The following UPP2 variants were observed in gnomAD, a reference collection of about 807,000 sequenced individuals.
UPP2 encodes UPase 2.
UPP2 carries 23 observed loss-of-function variants against 26.7 expected under a neutral mutation model. That is an observed-to-expected ratio of 0.86 (90% confidence interval 0.62 to 1.22). The LOEUF (loss-of-function observed/expected upper bound fraction) is 1.22, where lower values mean the gene tolerates loss of function less well. Among genes scored for constraint, UPP2 ranks in the 50% most tolerant of loss-of-function variants. The pLI is 0.00. For synonymous variants in UPP2, 127 were observed against 141.3 expected (o/e 0.90, Z 0.72); for missense variants, 387 against 396.7 (o/e 0.98, Z 0.21).
At chr2:158,086,081 G>A (rs1449157732) in intron 3 of UPP2, among the ~76,000 whole-genome samples, 1 of 151,956 alleles carries the variant, frequency 6.6e-6, no homozygotes, top group African/African-American at 2.4e-5. Flanking sequence ...GGATTGGCAC[G>A]AATTCTTCTT....
At chr2:158,081,111 G>T (rs1682716983) in intron 3 of UPP2, among the ~76,000 whole-genome samples, 1 of 152,096 alleles carries the variant, frequency 6.6e-6, no homozygotes, top group Non-Finnish European at 1.5e-5. Flanking sequence ...ATAAAGAATG[G>T]ATACAGTCTC....
intron 3 of UPP2, among the ~76,000 whole-genome samples, chr2:158,096,668 T>C (rs1406519806): frequency 1.3e-5 from 2 of 152,192 alleles, no homozygotes; most frequent in African/African-American, 4.8e-5. Context: ...TAAATTGCTG[T>C]AATGTCATAT....
At chr2:157,998,970 T>C (rs531018754) in intron 2 of UPP2, among the ~76,000 whole-genome samples, 11 of 152,314 alleles carry the variant, frequency 7.2e-5, no homozygotes, top group African/African-American at 2.6e-4. Flanking sequence ...CAGAGTAGGC[T>C]GCACGAGGTT....
At chr2:158,068,678 T>C (rs1213180953) in intron 3 of UPP2, among the ~76,000 whole-genome samples, 1 of 147,816 alleles carries the variant, frequency 6.8e-6, no homozygotes, top group Admixed American at 6.8e-5. Flanking sequence ...TTGTATGAAG[T>C]TTGCTGCTGA....
intron 3 of UPP2, chr2:158,065,999 A>G: frequency 2.6e-6 from 1 of 384,614 alleles, no homozygotes; most frequent in South Asian, 2.6e-5. Context: ...TTGGAGAAGT[A>G]TCATCCTTAA....
chr2:158,091,031 T>A lies in UPP2; in HGVS notation c.148-11009T>A, dbSNP rs962105672. On this transcript the variant is annotated intron_variant, in intron 3 of 9. Transcript: ENST00000605860. Reference sequence around the variant, plus strand: ...AAAGTTTGTCTCTGTGGCACGTGGGTACAAAAACAGTCTCCAGTGAGAAAC... The same window carrying A: ...AAAGTTTGTCTCTGTGGCACGTGGGAACAAAAACAGTCTCCAGTGAGAAAC... Among the ~76,000 whole-genome samples the A allele has an allele frequency of 9.9e-5, 15 of 152,236 alleles. 2 individuals carry two copies. Among genetic ancestry groups the A allele is most frequent in the Admixed American group, 8.5e-4 (13 of 15,280 alleles).
chr2:158,043,267 C>T (rs1684105561), intron 3 of UPP2, among the ~76,000 whole-genome samples: 1 of 152,164 alleles, frequency 6.6e-6, no homozygotes. Context: ...GGCCTGGGAA[C>T]ACCTTCTGCA....
At chr2:158,086,580 T>G (rs1437861223) in intron 3 of UPP2, among the ~76,000 whole-genome samples, 1 of 152,110 alleles carries the variant, frequency 6.6e-6, no homozygotes, top group Non-Finnish European at 1.5e-5. Context: ...GGTGTGACCT[T>G]AGATTGTCTA....
At chr2:158,115,341 T>C (rs1683407254) in intron 3 of UPP2, 82 bp downstream of exon 3, 1 of 1,459,610 alleles carries the variant, frequency 6.9e-7, no homozygotes, top group Admixed American at 2.4e-5. Flanking sequence ...GAGTTCTTTT[T>C]CCCTCCAGCT....
At chr2:158,133,948 T>C (rs1425723576) in intron 6 of UPP2, 1 of 152,256 alleles carries the variant, frequency 6.6e-6, no homozygotes. Flanking sequence ...AATCAAAGAT[T>C]TGATATGAAA....
chr2:158,101,031 C>G (rs1558930432), upstream of UPP2, among the ~76,000 whole-genome samples: 1 of 152,158 alleles, frequency 6.6e-6, no homozygotes, highest in African/African-American at 2.4e-5. Flanking sequence ...GGAAAGAAAT[C>G]CAAGCATATT....
Position 158,128,096 on chromosome 2 carries a change from G to A in UPP2, c.811+4201G>A, listed in dbSNP as rs114344204. ...CAGTGCTGCCTTTTGACACAGGCTT[G>A]CCTGACAATATATGAAGCCTAATAT... On this transcript the variant is annotated intron_variant, in intron 6 of 6. Coordinates refer to ENST00000005756, the MANE Select transcript of UPP2 (RefSeq NM_173355.4). 2.3e-3 allele frequency: 1,938 copies of A among 838,158 alleles called. 42 individuals are homozygous for A. In the African/African-American group the frequency reaches 0.033, roughly 14 times the overall value. 51.9% of individuals were successfully genotyped at this position (838,158 alleles called of 1,614,324 possible).
In UPP2 at chr2:158,075,459, A is replaced by T. The variant is rs563061290; in HGVS notation, c.148-26581A>T. On this transcript the variant is annotated intron_variant, in intron 3 of 9. Coordinates refer to the UPP2 transcript ENST00000605860. ...TAGGTCACAAAATAAGTCTTAAAAC[A>T]TTAAAAAAACTGAAATAATACCAAG... Among the ~76,000 whole-genome samples the T allele has an allele frequency of 2.6e-5, 4 of 152,144 alleles. No individual in the cohort carries two copies. In the South Asian group the frequency reaches 8.3e-4, roughly 32 times the overall value.
At chr2:158,104,216 A>C (rs773094244) in intron 1 of UPP2, among the ~76,000 whole-genome samples, 1 of 152,204 alleles carries the variant, frequency 6.6e-6, no homozygotes, top group Non-Finnish European at 1.5e-5. Flanking sequence ...GCATGAAACA[A>C]ATGCTTTGGG....
intron 2 of UPP2, among the ~76,000 whole-genome samples, chr2:158,111,256 G>A (rs1683313866): frequency 6.6e-6 from 1 of 151,984 alleles, no homozygotes; most frequent in African/African-American, 2.4e-5. Flanking sequence ...GACAGTTTTT[G>A]CTTTATTTTT....
chr2:158,022,087 A>C (rs1683760124), intron 3 of UPP2, among the ~76,000 whole-genome samples: 1 of 152,114 alleles, frequency 6.6e-6, no homozygotes. Flanking sequence ...AGTATTAGGA[A>C]GTATTTCCTA....
rs530620572 is a variant in UPP2 at position 158,135,022 on chromosome 2, C to A, written c.*132C>A. On this transcript the variant is annotated 3_prime_UTR_variant, in exon 7 of 7. Coordinates refer to ENST00000005756, the MANE Select transcript of UPP2 (RefSeq NM_173355.4). ...GCTAAATGGAAAGACTTTATGAAAT[C>A]CTTCTCTCTTAAAAAGGAATTTATT... The A allele has an allele frequency of 8.6e-5, 95 of 1,098,822 alleles. 2 individuals are homozygous for A. The South Asian group carries it at 2.3e-3, about 27-fold the overall frequency. 68.1% of individuals were successfully genotyped at this position (1,098,822 alleles called of 1,614,324 possible).
chr2:158,122,711 T>C (rs1683596968), intron 5 of UPP2, among the ~76,000 whole-genome samples: 1 of 149,246 alleles, frequency 6.7e-6, no homozygotes, highest in African/African-American at 2.4e-5. Flanking sequence ...CATTTAAAAA[T>C]GTACACCAGT....
At chr2:158,088,151 C>T (rs184101492) in intron 3 of UPP2, among the ~76,000 whole-genome samples, 104 of 152,286 alleles carry the variant, frequency 6.8e-4, no homozygotes, top group African/African-American at 2.2e-3. Flanking sequence ...AACACAATCC[C>T]GTACTTCTTG....
Sources: gnomAD v4.1 joint callset for allele counts (sites outside exome capture counted in the v4.1 genomes callset) on GRCh38, gnomAD v4.1.1 for gene constraint, MANE v1.5 for transcripts, NCBI Gene and HGNC (gene_info 2026-07-23, HGNC 2026-07-21) for gene names.